Variants in TNKS observed in about 807,000 individuals in gnomAD.
TNKS encodes tankyrase, also known as poly [ADP-ribose] polymerase tankyrase-1.
Under a neutral mutation model 135.8 loss-of-function variants are expected in TNKS, and 72 were observed. The ratio of observed to expected loss-of-function variants is 0.53; its 90% CI spans 0.44 to 0.64. TNKS has a LOEUF of 0.64. Ranked by LOEUF, TNKS falls within the 30% of genes least tolerant of loss-of-function variation. TNKS has a pLI of 0.00. For synonymous variants in TNKS, 849 were observed against 649.3 expected (o/e 1.31, Z -4.68); for missense variants, 1,769 against 1,674.0 (o/e 1.06, Z -0.99).
intron 8 of TNKS, among the ~76,000 whole-genome samples, chr8:9,707,793 C>G (rs1277100200): frequency 6.6e-6 from 1 of 152,132 alleles, no homozygotes; most frequent in East Asian, 1.9e-4. Context: ...GCATTTCTCC[C>G]ATATTTTAGT....
chr8:9,656,489 A>G (rs966667417), intron 3 of TNKS, among the ~76,000 whole-genome samples: 1 of 152,204 alleles, frequency 6.6e-6, no homozygotes, highest in Non-Finnish European at 1.5e-5. Context: ...GCAGCCAGAG[A>G]GAAAGGTCGG....
At position 9,781,584 on chromosome 8, in the gene TNKS, C is replaced by T. The variant is rs995108237; in HGVS notation, c.*4848C>T. 1.3e-5 allele frequency: 2 copies of T among 152,506 alleles called. No homozygotes were observed. Among genetic ancestry groups the T allele is most frequent in the Non-Finnish European group, 2.9e-5 (2 of 68,040 alleles). The allele number at this position is 152,506 out of a possible 1,614,324, so 9.4% of individuals were successfully genotyped here. ...GTGCATATAACACCTGCTTCTGCTC[C>T]CATTGTTTCAAGCTCATCTTATCTT... On this transcript the variant is annotated 3_prime_UTR_variant, in exon 27 of 27. Transcript: ENST00000310430.
intron 20 of TNKS, among the ~76,000 whole-genome samples, chr8:9,760,252 T>C (rs1323380873): frequency 6.6e-6 from 1 of 152,208 alleles, no homozygotes; most frequent in Non-Finnish European, 1.5e-5. Flanking sequence ...TTTTTAAAGC[T>C]CTGCTGAAAC....
chr8:9,706,146 G>T lies in TNKS; in HGVS notation c.1203-41G>T, dbSNP rs761869856. 10 of 1,459,918 alleles carry T rather than the reference G, an allele frequency of 6.8e-6. No individual in the cohort carries two copies. The South Asian group carries it at 1.4e-4, about 20-fold the overall frequency. The allele number at this position is 1,459,918 out of a possible 1,614,324, so 90.4% of individuals were successfully genotyped here. On this transcript the variant is annotated intron_variant, in intron 6 of 26. Transcript: ENST00000310430. ...TTAGTACGACATGGATAAATAAGTT[G>T]TTTGAAATTTAAGTATTTTAATTTG...
intron 3 of TNKS, among the ~76,000 whole-genome samples, chr8:9,641,832 T>A (rs1303805361): frequency 6.8e-6 from 1 of 146,168 alleles, no homozygotes; most frequent in Non-Finnish European, 1.5e-5. Context: ...TATATCTATC[T>A]GCACAAGTCG....
At chr8:9,654,630 A>T (rs922623045) in intron 3 of TNKS, among the ~76,000 whole-genome samples, 1 of 152,208 alleles carries the variant, frequency 6.6e-6, no homozygotes, top group African/African-American at 2.4e-5. Flanking sequence ...TGTCAGGTAA[A>T]ATTCTATTTG....
At chr8:9,772,283 A>T in intron 26 of TNKS, 1 of 429,234 alleles carries the variant, frequency 2.3e-6, no homozygotes, top group Non-Finnish European at 4.7e-6. Context: ...GTAATTATAT[A>T]TTGGAGAAAG....
intron 3 of TNKS, among the ~76,000 whole-genome samples, chr8:9,676,506 C>G (rs981423925): frequency 6.6e-6 from 1 of 152,136 alleles, no homozygotes; most frequent in African/African-American, 2.4e-5. Context: ...ATCATGACTT[C>G]TCCTTAGTGA....
intron 12 of TNKS, among the ~76,000 whole-genome samples, chr8:9,725,159 G>A (rs1417563221): frequency 6.6e-6 from 1 of 152,034 alleles, no homozygotes; most frequent in Non-Finnish European, 1.5e-5. Flanking sequence ...ATGAGACAAT[G>A]AAAGAACAGA....
At position 9,771,832 on chromosome 8, in the gene TNKS, G is replaced by A. The variant is rs114213485; in HGVS notation, c.3897+1570G>A. ...AGGAAGGGAGAAGGGGGAATGAAGCGGGGAGAGAGGGGAGGGAGGGAGAGA... is the reference window on the plus strand; with the variant it reads ...AGGAAGGGAGAAGGGGGAATGAAGCAGGGAGAGAGGGGAGGGAGGGAGAGA... On this transcript the variant is annotated intron_variant, in intron 26 of 26. Coordinates refer to ENST00000310430, the MANE Select transcript of TNKS (RefSeq NM_003747.3). 7.5e-3 allele frequency among the ~76,000 whole-genome samples: 329 copies of A among 43,584 alleles called. 12 individuals are homozygous for A. Among genetic ancestry groups the A allele is most frequent in the East Asian group, 0.015 (17 of 1,170 alleles). The allele number at this position is 43,584 out of a possible 152,430, so 28.6% of individuals were successfully genotyped here.
At chr8:9,669,214 C>T (rs1469045503) in intron 3 of TNKS, among the ~76,000 whole-genome samples, 3 of 150,526 alleles carry the variant, frequency 2.0e-5, no homozygotes, top group Non-Finnish European at 4.4e-5. Context: ...GTCAGGAGAT[C>T]GAGACCATCC....
At chr8:9,733,561 C>G (rs1805548039) in intron 15 of TNKS, 117 bp downstream of exon 15, 1 of 811,974 alleles carries the variant, frequency 1.2e-6, no homozygotes, top group Non-Finnish European at 1.9e-6. Flanking sequence ...AGAGACTGCT[C>G]TCATTTTCTA....
At chr8:9,557,327 G>C (rs973020577) in intron 1 of TNKS, 1 of 151,700 alleles carries the variant, frequency 6.6e-6, no homozygotes. Flanking sequence ...CGAGCATTTG[G>C]TGAGAAGTAT....
intron 5 of TNKS, among the ~76,000 whole-genome samples, chr8:9,698,544 T>C (rs1167612137): frequency 6.6e-6 from 1 of 152,170 alleles, no homozygotes; most frequent in Admixed American, 6.5e-5. Context: ...CACTTCCCAC[T>C]TCACAGATGT....
At chr8:9,774,720 G>C (rs570941586) in intron 26 of TNKS, among the ~76,000 whole-genome samples, 1 of 152,244 alleles carries the variant, frequency 6.6e-6, no homozygotes, top group Admixed American at 6.5e-5. Flanking sequence ...GACCTTTAAG[G>C]AACTCATGCC....
chr8:9,637,169 T>C (rs539276791), intron 3 of TNKS, among the ~76,000 whole-genome samples: 1 of 152,320 alleles, frequency 6.6e-6, no homozygotes, highest in African/African-American at 2.4e-5. Flanking sequence ...AGAAGTAATA[T>C]TTGGGAAATT....
intron 2 of TNKS, among the ~76,000 whole-genome samples, chr8:9,592,539 C>A (rs1457051443): frequency 1.3e-5 from 2 of 152,170 alleles, no homozygotes; most frequent in African/African-American, 4.8e-5. Context: ...CTTTCTAACA[C>A]AGCCACAGGA....
chr8:9,661,157 C>G (rs576211785), intron 3 of TNKS, among the ~76,000 whole-genome samples: 2,126 of 151,998 alleles, frequency 0.014, 29 homozygotes, highest in Non-Finnish European at 0.02. Context: ...GGCCATACTG[C>G]CCAAGGTAAT....
intron 2 of TNKS, among the ~76,000 whole-genome samples, chr8:9,603,203 C>T (rs1470458630): frequency 2.0e-5 from 3 of 152,108 alleles, no homozygotes; most frequent in East Asian, 3.9e-4. Context: ...CAGGTGCACG[C>T]CACCACACCC....
Sources: gnomAD v4.1 joint callset for allele counts (sites outside exome capture counted in the v4.1 genomes callset) on GRCh38, gnomAD v4.1.1 for gene constraint, MANE v1.5 for transcripts, NCBI Gene and HGNC (gene_info 2026-07-23, HGNC 2026-07-21) for gene names.